Variants in COL19A1 observed in about 807,000 individuals in gnomAD.
COL19A1 encodes the protein collagen type XIX alpha 1 chain.
A neutral mutation model predicts 190.2 loss-of-function variants in COL19A1; 159 were observed. The ratio of observed to expected loss-of-function variants is 0.84; its 90% CI spans 0.73 to 0.95. The LOEUF is 0.95. Among genes scored for constraint, COL19A1 ranks in the 40% least tolerant of loss-of-function variants. COL19A1 has a pLI of 0.00. For missense variants in COL19A1, 1,418 were observed against 1,431.9 expected (o/e 0.99, Z 0.16); for synonymous variants, 509 against 458.9 (o/e 1.11, Z -1.39).
chr6:70,200,487 A>T (rs1014243321), intron 49 of COL19A1, among the ~76,000 whole-genome samples: 5 of 152,236 alleles, frequency 3.3e-5, no homozygotes, highest in African/African-American at 1.2e-4. Context: ...GTGAATATAT[A>T]TCATGAAAGA....
chr6:70,016,390 G>GAAAAAAAAAAAACAA (rs1778102227), intron 11 of COL19A1, among the ~76,000 whole-genome samples: 1 of 95,714 alleles, frequency 1.0e-5, no homozygotes, highest in African/African-American at 5.8e-5. Context: ...AAAAACACAT[G>GAAAAAAAAAAAACAA]AAAAAAAAAA....
chr6:69,936,007 A>T (rs1394475735), intron 7 of COL19A1, among the ~76,000 whole-genome samples: 2 of 152,164 alleles, frequency 1.3e-5, no homozygotes, highest in African/African-American at 4.8e-5. Flanking sequence ...GTAATGTATT[A>T]ACTCTCTCCT....
At chr6:70,009,654 T>C (rs962546865) in intron 11 of COL19A1, among the ~76,000 whole-genome samples, 2 of 142,300 alleles carry the variant, frequency 1.4e-5, no homozygotes, top group African/African-American at 6.1e-5. Flanking sequence ...TTTAAAAAAA[T>C]AACAAAACTG....
chr6:70,173,506 G>A (rs1407069089), intron 41 of COL19A1, among the ~76,000 whole-genome samples: 2 of 152,128 alleles, frequency 1.3e-5, no homozygotes, highest in African/African-American at 4.8e-5. Flanking sequence ...TGAATCAAAG[G>A]GAAAGGAGTG....
chr6:70,053,736 T>C (rs1780340877), intron 14 of COL19A1, among the ~76,000 whole-genome samples: 1 of 152,216 alleles, frequency 6.6e-6, no homozygotes, highest in African/African-American at 2.4e-5. Flanking sequence ...TAACGTTCAG[T>C]CTTTTTTGTC....
chr6:70,180,292 T>C lies in COL19A1; in HGVS notation c.2668-20T>C. On this transcript the variant is annotated intron_variant, in intron 42 of 50. Coordinates refer to ENST00000620364, the MANE Select transcript of COL19A1 (RefSeq NM_001858.6). Reference sequence around the variant, plus strand: ...TCAGCAATTTGGCTCCTAACATTTCTCTTCAATTTGCCTTGCCAGGGAAAA... The same window carrying C: ...TCAGCAATTTGGCTCCTAACATTTCCCTTCAATTTGCCTTGCCAGGGAAAA... 1 of 1,614,116 alleles carries C rather than the reference T, an allele frequency of 6.2e-7. No homozygotes were observed. Among genetic ancestry groups the C allele is most frequent in the South Asian group, 1.1e-5 (1 of 91,086 alleles).
chr6:69,895,174 G>T (rs1769633236), intron 2 of COL19A1, among the ~76,000 whole-genome samples: 1 of 152,142 alleles, frequency 6.6e-6, no homozygotes, highest in South Asian at 2.1e-4. Context: ...ACTGCGTAGG[G>T]TGTGGGGATC....
At chr6:69,947,564 C>T (rs1333565817) in intron 9 of COL19A1, among the ~76,000 whole-genome samples, 1 of 151,680 alleles carries the variant, frequency 6.6e-6, no homozygotes, top group African/African-American at 2.4e-5. Context: ...AAATTCTCTT[C>T]TTTATGAAAA....
intron 17 of COL19A1, among the ~76,000 whole-genome samples, chr6:70,129,565 C>A (rs905166464): frequency 6.6e-6 from 1 of 152,186 alleles, no homozygotes; most frequent in Non-Finnish European, 1.5e-5. Flanking sequence ...GAAGTGGTGA[C>A]TGAAGCCTGG....
chr6:70,064,407 A>G (rs1467532159), intron 14 of COL19A1, among the ~76,000 whole-genome samples: 1 of 152,228 alleles, frequency 6.6e-6, no homozygotes, highest in Non-Finnish European at 1.5e-5. Context: ...ACAAAATTCA[A>G]CAGCCCTTCA....
intron 16 of COL19A1, among the ~76,000 whole-genome samples, chr6:70,107,998 GATA>G (rs778957724): frequency 6.6e-6 from 1 of 152,122 alleles, no homozygotes; most frequent in Non-Finnish European, 1.5e-5. Context: ...CTTATGTTAT[GATA>G]ATGAGACTTG....
At chr6:70,016,400 AAACAAAAC>A (rs1384279371) in intron 11 of COL19A1, among the ~76,000 whole-genome samples, 3 of 129,602 alleles carry the variant, frequency 2.3e-5, no homozygotes, top group African/African-American at 1.1e-4. Flanking sequence ...GAAAAAAAAA[AAACAAAAC>A]AAAACAAAGC....
chr6:69,934,986 ACACATGT>A (rs1773007517), intron 7 of COL19A1, among the ~76,000 whole-genome samples: 1 of 152,006 alleles, frequency 6.6e-6, no homozygotes. Flanking sequence ...ATTTCAAATC[ACACATGT>A]TTTCTGGTTG....
chr6:70,004,892 G>C (rs542481765), intron 11 of COL19A1, among the ~76,000 whole-genome samples: 3 of 151,612 alleles, frequency 2.0e-5, no homozygotes, highest in Admixed American at 2.0e-4. Flanking sequence ...GAGTGCAGTG[G>C]CTCGATCTCG....
At chr6:69,960,171 T>C in intron 10 of COL19A1, 131 bp downstream of exon 10, 1 of 877,404 alleles carries the variant, frequency 1.1e-6, no homozygotes, top group Admixed American at 2.7e-5. Context: ...GCTATGGATG[T>C]CTTTTCAAAG....
intron 14 of COL19A1, among the ~76,000 whole-genome samples, chr6:70,047,762 G>A (rs913757928): frequency 6.6e-6 from 1 of 152,140 alleles, no homozygotes; most frequent in Non-Finnish European, 1.5e-5. Flanking sequence ...TGTTTTTACA[G>A]TAAAGTTTTA....
At chr6:69,869,835 T>C (rs989925413) in intron 1 of COL19A1, among the ~76,000 whole-genome samples, 1 of 152,154 alleles carries the variant, frequency 6.6e-6, no homozygotes, top group Non-Finnish European at 1.5e-5. Context: ...GAATCCCAGG[T>C]TTGAGACCCT....
At chr6:69,880,119 T>G (rs984395432) in intron 2 of COL19A1, among the ~76,000 whole-genome samples, 5 of 152,234 alleles carry the variant, frequency 3.3e-5, no homozygotes, top group Non-Finnish European at 7.4e-5. Context: ...GTATCTCAGA[T>G]GAGGCAAACA....
At chr6:69,879,472 C>A in intron 1 of COL19A1, 64 bp from the exon 2 acceptor site, 1 of 860,230 alleles carries the variant, frequency 1.2e-6, no homozygotes, top group Non-Finnish European at 1.9e-6. Flanking sequence ...GTAACATTTT[C>A]TGGAGATGTT....
Sources: allele counts gnomAD v4.1 joint callset (sites outside exome capture counted in the v4.1 genomes callset), GRCh38; gene constraint gnomAD v4.1.1; transcripts MANE v1.5; gene names NCBI Gene and HGNC (gene_info 2026-07-23, HGNC 2026-07-21).